The following NRXN3 variants were observed in gnomAD, a reference collection of about 807,000 sequenced individuals.
NRXN3 encodes the protein neurexin III.
NRXN3 carries 32 observed loss-of-function variants against 137.6 expected under a neutral mutation model. That is an observed-to-expected ratio of 0.23 (90% CI 0.18 to 0.31). The LOEUF (loss-of-function observed/expected upper bound fraction) is 0.31. Among genes scored for constraint, NRXN3 ranks in the 10% least tolerant of loss-of-function variants. The pLI is 1.00. For synonymous variants in NRXN3, 798 were observed against 784.5 expected (o/e 1.02, Z -0.29); for missense variants, 1,574 against 2,062.5 (o/e 0.76, Z 4.59).
At chr14:78,205,825 T>C (rs1417001302) in intron 1 of NRXN3, among the ~76,000 whole-genome samples, 1 of 152,148 alleles carries the variant, frequency 6.6e-6, no homozygotes, top group Non-Finnish European at 1.5e-5. Context: ...ACTGAAATTA[T>C]GCCAAGATCA....
chr14:78,970,700 C>T (rs1187074296), intron 14 of NRXN3, among the ~76,000 whole-genome samples: 4 of 152,118 alleles, frequency 2.6e-5, no homozygotes, highest in Non-Finnish European at 5.9e-5. Context: ...AATTACATAA[C>T]GAGTTGGGGA....
intron 15 of NRXN3, among the ~76,000 whole-genome samples, chr14:79,081,905 A>G (rs1230500149): frequency 6.6e-6 from 1 of 152,136 alleles, no homozygotes. Flanking sequence ...TAGATAGAAC[A>G]AATAGTTTGA....
At chr14:78,490,754 ATTC>A (rs1201318282) in intron 4 of NRXN3, among the ~76,000 whole-genome samples, 2 of 152,240 alleles carry the variant, frequency 1.3e-5, no homozygotes, top group African/African-American at 4.8e-5. Flanking sequence ...TACATTTATT[ATTC>A]TTAGCCACCC....
intron 15 of NRXN3, among the ~76,000 whole-genome samples, chr14:79,348,895 A>T (rs1207771388): frequency 6.6e-6 from 1 of 152,192 alleles, no homozygotes; most frequent in African/African-American, 2.4e-5. Flanking sequence ...CCACTCCTTT[A>T]TCATAGAACC....
intron 16 of NRXN3, among the ~76,000 whole-genome samples, chr14:79,518,299 GATA>G (rs2097019145): frequency 6.6e-6 from 1 of 151,994 alleles, no homozygotes; most frequent in African/African-American, 2.4e-5. Context: ...ATATAAATTA[GATA>G]ATGTTAATTT....
At chr14:78,251,528 A>T (rs2068629430) in intron 2 of NRXN3, among the ~76,000 whole-genome samples, 1 of 152,220 alleles carries the variant, frequency 6.6e-6, no homozygotes, top group Admixed American at 6.5e-5. Flanking sequence ...TGTCCGTGAC[A>T]GCAATGTTGC....
At chr14:79,810,863 G>C (rs2099229874) in intron 20 of NRXN3, among the ~76,000 whole-genome samples, 1 of 152,200 alleles carries the variant, frequency 6.6e-6, no homozygotes, top group African/African-American at 2.4e-5. Context: ...GAAGGATCAA[G>C]AGAAGTTTAT....
intron 10 of NRXN3, among the ~76,000 whole-genome samples, chr14:78,825,511 A>C (rs556448701): frequency 1.3e-5 from 2 of 152,254 alleles, no homozygotes; most frequent in African/African-American, 2.4e-5. Flanking sequence ...GAACAGAAGC[A>C]TAGCTCCCAA....
chr14:79,250,078 CAT>C (rs772300562), intron 15 of NRXN3, among the ~76,000 whole-genome samples: 4 of 152,230 alleles, frequency 2.6e-5, no homozygotes, highest in Admixed American at 6.5e-5. Context: ...AGAACTGTGA[CAT>C]GTGAATATTT....
chr14:79,342,291 A>G (rs1026097427), intron 15 of NRXN3, among the ~76,000 whole-genome samples: 1 of 152,222 alleles, frequency 6.6e-6, no homozygotes, highest in African/African-American at 2.4e-5. Flanking sequence ...TCTAAGATGC[A>G]GACAGGTATA....
In NRXN3 at chr14:78,488,104, C is replaced by G. The variant is rs143416138; in HGVS notation, c.758-157016C>G. Reference sequence around the variant, plus strand: ...ACAGATGGCCATCTTTTTCCTGTGTCCTCACGTGACTTTTCCCCCATGTGT... The same window carrying G: ...ACAGATGGCCATCTTTTTCCTGTGTGCTCACGTGACTTTTCCCCCATGTGT... On this transcript the variant is annotated intron_variant, in intron 4 of 20. Transcript: ENST00000335750. 3.0e-3 allele frequency among the ~76,000 whole-genome samples: 450 copies of G among 152,238 alleles called. 8 individuals carry two copies. The highest frequency in any genetic ancestry group is 0.01 in the African/African-American group (434 of 41,536).
chr14:78,976,221 A>G lies in NRXN3; in HGVS notation c.3142+7875A>G, dbSNP rs930353214. ...AAATAAAAGAATAACTCTTTTTTGT[A>G]TTAGGTGATTAATTAGAATCTTCCT... is the stretch of plus-strand genomic sequence containing the variant. On this transcript the variant is annotated intron_variant, in intron 14 of 20. Transcript: ENST00000335750. Among the ~76,000 whole-genome samples, 10 of 152,162 alleles carry G rather than the reference A, an allele frequency of 6.6e-5. No individual in the cohort carries two copies. The East Asian group carries it at 1.7e-3, about 26-fold the overall frequency.
chr14:78,916,675 A>C (rs547201944), intron 10 of NRXN3, among the ~76,000 whole-genome samples: 1 of 152,300 alleles, frequency 6.6e-6, no homozygotes, highest in South Asian at 2.1e-4. Context: ...TTTTATTCTA[A>C]TTGGTGGAAG....
At chr14:78,439,081 G>A (rs997370572) in intron 4 of NRXN3, among the ~76,000 whole-genome samples, 3 of 152,070 alleles carry the variant, frequency 2.0e-5, no homozygotes, top group African/African-American at 7.2e-5. Context: ...TGGTTGGCAC[G>A]GGGTTGTTTG....
intron 4 of NRXN3, among the ~76,000 whole-genome samples, chr14:78,460,572 A>G (rs2094894734): frequency 6.6e-6 from 1 of 152,208 alleles, no homozygotes; most frequent in Non-Finnish European, 1.5e-5. Flanking sequence ...AGGAGTTGGC[A>G]AAGACCAACA....
intron 19 of NRXN3, among the ~76,000 whole-genome samples, chr14:79,796,373 T>C (rs2099160996): frequency 6.6e-6 from 1 of 152,182 alleles, no homozygotes. Context: ...TTGGTTAATC[T>C]TCTGTGGTTC....
At chr14:79,105,363 C>T (rs982827501) in intron 15 of NRXN3, among the ~76,000 whole-genome samples, 3 of 152,128 alleles carry the variant, frequency 2.0e-5, no homozygotes, top group African/African-American at 7.2e-5. Context: ...CTGTCAAGAG[C>T]TTTCTGCATA....
intron 10 of NRXN3, among the ~76,000 whole-genome samples, chr14:78,952,636 T>C (rs1360824635): frequency 6.6e-6 from 1 of 152,222 alleles, no homozygotes; most frequent in Non-Finnish European, 1.5e-5. Context: ...ATTTTGAGCA[T>C]TTATTAACCA....
chr14:79,819,575 C>G (rs1255708285), intron 20 of NRXN3, among the ~76,000 whole-genome samples: 1 of 147,998 alleles, frequency 6.8e-6, no homozygotes, highest in East Asian at 2.1e-4. Flanking sequence ...ACCTCCGCCT[C>G]CCAGGTTCAG....
Sources: allele counts gnomAD v4.1 joint callset (sites outside exome capture counted in the v4.1 genomes callset), GRCh38; gene constraint gnomAD v4.1.1; transcripts MANE v1.5; gene names NCBI Gene and HGNC (gene_info 2026-07-23, HGNC 2026-07-21).